Variants in HSD3B2 observed in about 807,000 individuals in gnomAD.
HSD3B2 encodes 3 beta-hydroxysteroid dehydrogenase/Delta 5-->4-isomerase type 2.
A neutral mutation model predicts 9.9 loss-of-function variants in HSD3B2; 8 were observed. That is an observed-to-expected ratio of 0.81 (90% CI 0.47 to 1.46). HSD3B2 has a LOEUF of 1.46. Ranked by LOEUF, HSD3B2 falls within the 40% of genes most tolerant of loss-of-function variation. The pLI, the probability that HSD3B2 is intolerant of heterozygous loss-of-function variation, is 0.00. For synonymous variants in HSD3B2, 221 were observed against 184.5 expected (o/e 1.20, Z -1.60); for missense variants, 410 against 448.3 (o/e 0.91, Z 0.77).
chr1:119,419,428 C>G lies in HSD3B2; in HGVS notation c.153C>G (p.Asn51Lys). 6.2e-7 allele frequency: 1 copy of G among 1,613,708 alleles called. No homozygotes were observed. The highest frequency in any genetic ancestry group is 8.5e-7 in the Non-Finnish European group (1 of 1,179,766). The change falls in exon 3 of 4, where the codon AAC becomes AAG. Residue 51 changes from asparagine (N) to lysine (K), a missense_variant. Asn to Lys is a moderately conservative substitution (Grantham distance 94). Transcript: ENST00000369416. ...CCTGTGTTCACACAGAGCTCCAGAA[C>G]AGGACCAAGCTGACTGTACTTGAAG... ...ELREEFSKLQ[N>K]RTKLTVLEGD... is the part of the protein sequence containing the mutation.
rs1220577860 is a variant in HSD3B2, at chr1:119,415,446, A to T, written c.27A>T (p.Gly9=). MGWSCLVT[G]AGGLLGQRIV... ...TGGGCTGGAGCTGCCTTGTGACAGG[A>T]GCAGGAGGGCTTCTGGGTCAGAGGA... The change falls in exon 2 of 4, where the codon GGA becomes GGT. Residue 9 remains glycine, a synonymous_variant. Transcript: ENST00000369416. The T allele has an allele frequency of 6.2e-7, 1 of 1,613,784 alleles. No homozygotes were observed. Among genetic ancestry groups the T allele is most frequent in the Admixed American group, 1.7e-5 (1 of 59,984 alleles).
Position 119,422,056 on chromosome 1 carries a change from A to AC in HSD3B2, c.558dup (p.Thr187HisfsTer17), listed in dbSNP as rs770815049. ...ATACCTTGTACACTTGTGCGTTAAG[A>AC]CCCACATATATCTATGGGGAAGGAG... is the stretch of plus-strand genomic sequence containing the variant. On this transcript the variant is annotated frameshift_variant, in exon 4 of 4. Coordinates refer to ENST00000369416, the MANE Select transcript of HSD3B2 (RefSeq NM_000198.4). LOFTEE classifies it low-confidence loss of function (END_TRUNC). The AC allele has an allele frequency of 1.2e-5, 19 of 1,613,888 alleles. No homozygotes were observed. The highest frequency in any genetic ancestry group is 1.5e-5 in the Non-Finnish European group (18 of 1,179,976).
rs767195449 is a variant in HSD3B2 at position 119,419,562 on chromosome 1, T to C, written c.287T>C (p.Ile96Thr). 6 of 1,613,804 alleles carry C rather than the reference T, an allele frequency of 3.7e-6. No individual in the cohort carries two copies. Among genetic ancestry groups the C allele is most frequent in the Non-Finnish European group, 5.1e-6 (6 of 1,179,844 alleles). The change falls in exon 3 of 4, where the codon ATC becomes ACC. Residue 96 changes from isoleucine to threonine, a missense_variant. By Grantham distance (89) the Ile-to-Thr change is moderately conservative. Coordinates refer to ENST00000369416, the MANE Select transcript of HSD3B2 (RefSeq NM_000198.4). Reference sequence around the variant, plus strand: ...TTTGGTGTCACTCACAGAGAGTCCATCATGAATGTCAATGTGAAAGGTACA... The same window carrying C: ...TTTGGTGTCACTCACAGAGAGTCCACCATGAATGTCAATGTGAAAGGTACA... ...DVFGVTHRES[I>T]MNVNVKGTQL...
upstream of HSD3B2, chr1:119,415,148 A>T (rs1651668497): frequency 2.3e-6 from 1 of 441,920 alleles, no homozygotes; most frequent in Non-Finnish European, 4.2e-6. Context: ...TCCTCCAGGG[A>T]TGAGGCAGTA....
chr1:119,416,955 G>C (rs918791791), intron 2 of HSD3B2, among the ~76,000 whole-genome samples: 1 of 152,228 alleles, frequency 6.6e-6, no homozygotes, highest in Admixed American at 6.5e-5. Context: ...GGCAGGGCCT[G>C]TATGAAGATA....
chr1:119,422,562 A>C lies in HSD3B2; in HGVS notation c.1061A>C (p.Glu354Ala). Residue 354 changes from glutamate (E) to alanine (A), a missense_variant, in exon 4 of 4, where the codon GAG becomes GCG. Glu to Ala is a moderately radical substitution (Grantham distance 107, BLOSUM62 -1). Coordinates refer to ENST00000369416, the MANE Select transcript of HSD3B2 (RefSeq NM_000198.4). ...SWEEAKQKTV[E>A]WVGSLVDRHK... ...GAGGAAGCCAAGCAGAAAACCGTGG[A>C]GTGGGTTGGTTCCCTTGTGGACCGG... is the stretch of plus-strand genomic sequence containing the variant. 1.9e-6 allele frequency: 3 copies of C among 1,614,100 alleles called. No individual in the cohort carries two copies. Among genetic ancestry groups the C allele is most frequent in the Non-Finnish European group, 1.7e-6 (2 of 1,179,996 alleles).
intron 2 of HSD3B2, among the ~76,000 whole-genome samples, chr1:119,417,674 A>G (rs2793133): frequency 0.69 from 105,244 of 151,502 alleles, 36,651 homozygotes; most frequent in African/African-American, 0.74. Flanking sequence ...AAATGGTCCC[A>G]CCTGTATCCC....
In HSD3B2 at chr1:119,422,664, G is replaced by A. The variant is rs1400968348; in HGVS notation, c.*44G>A. 1.2e-6 allele frequency: 2 copies of A among 1,607,528 alleles called. No individual in the cohort carries two copies. The highest frequency in any genetic ancestry group is 2.2e-5 in the South Asian group (2 of 90,416). On this transcript the variant is annotated 3_prime_UTR_variant, in exon 4 of 4. Transcript: ENST00000369416. Reference sequence around the variant, plus strand: ...GTGCATGTGGGTATTGTTAGGAAATGTCATCAAACTCCACCCACCTGGCTT... The same window carrying A: ...GTGCATGTGGGTATTGTTAGGAAATATCATCAAACTCCACCCACCTGGCTT...
At chr1:119,421,709 C>A in intron 3 of HSD3B2, 100 bp from the exon 4 acceptor site, 1 of 1,320,196 alleles carries the variant, frequency 7.6e-7, no homozygotes, top group Non-Finnish European at 1.1e-6. Flanking sequence ...GTTATAACCA[C>A]TGCACTTGGG....
intron 3 of HSD3B2, among the ~76,000 whole-genome samples, chr1:119,421,379 A>G (rs72991471): frequency 0.12 from 13,512 of 110,716 alleles, 2,520 homozygotes; most frequent in African/African-American, 0.38. Flanking sequence ...GTGTGTGTGT[A>G]TATATATATA....
chr1:119,419,678 G>C lies in HSD3B2; in HGVS notation c.307+96G>C, dbSNP rs1163593078. On this transcript the variant is annotated intron_variant, in intron 3 of 3. Transcript: ENST00000369416. ...AGAGAAGTCACTCCATTGAACACCT[G>C]CTGAGCTCTTGGCCAAGTGCCTTTG... 5.6e-6 allele frequency: 7 copies of C among 1,248,730 alleles called. No individual in the cohort carries two copies. The Admixed American group carries it at 5.6e-5, about 10-fold the overall frequency. 77.4% of individuals were successfully genotyped at this position (1,248,730 alleles called of 1,614,324 possible).
Position 119,419,576 on chromosome 1 carries a change from G to C in HSD3B2, c.301G>C (p.Val101Leu), listed in dbSNP as rs752453060. Residue 101 changes from valine (V) to leucine (L), a missense_variant, in exon 3 of 4, where the codon GTG becomes CTG. Physicochemically the swap from Val to Leu is conservative, Grantham distance 32. Coordinates refer to ENST00000369416, the MANE Select transcript of HSD3B2 (RefSeq NM_000198.4). ...CAGAGAGTCCATCATGAATGTCAATGTGAAAGGTACAGTAGCCTGGGGAGG... is the reference window on the plus strand; with the variant it reads ...CAGAGAGTCCATCATGAATGTCAATCTGAAAGGTACAGTAGCCTGGGGAGG... Reference protein sequence around the residue: ...THRESIMNVNVKGTQLLLEAC... With the variant: ...THRESIMNVNLKGTQLLLEAC... The C allele has an allele frequency of 2.5e-6, 4 of 1,613,820 alleles. No homozygotes were observed. The highest frequency in any genetic ancestry group is 3.4e-6 in the Non-Finnish European group (4 of 1,179,770).
intron 3 of HSD3B2, among the ~76,000 whole-genome samples, chr1:119,420,690 A>C (rs1651835113): frequency 6.6e-6 from 1 of 152,236 alleles, no homozygotes; most frequent in South Asian, 2.1e-4. Context: ...GAGACTTTAA[A>C]AGTGGCTAAG....
intron 2 of HSD3B2, among the ~76,000 whole-genome samples, chr1:119,418,037 G>A (rs150714649): frequency 1.3e-5 from 2 of 152,182 alleles, no homozygotes; most frequent in African/African-American, 4.8e-5. Flanking sequence ...TGAGTGTAGA[G>A]TATTTATCTG....
At chr1:119,415,719 G>A (rs1426006629) in intron 2 of HSD3B2, among the ~76,000 whole-genome samples, 158 bp downstream of exon 2, 1 of 152,186 alleles carries the variant, frequency 6.6e-6, no homozygotes, top group Non-Finnish European at 1.5e-5. Context: ...AAATGGTATA[G>A]TGTGAAAGAT....
At chr1:119,419,231 A>T (rs587736722) in intron 2 of HSD3B2, among the ~76,000 whole-genome samples, 187 bp from the exon 3 acceptor site, 1 of 152,178 alleles carries the variant, frequency 6.6e-6, no homozygotes, top group East Asian at 1.9e-4. Flanking sequence ...GCTCTTTCCC[A>T]ATAAACTGCT....
At position 119,419,506 on chromosome 1, in the gene HSD3B2, C is replaced by A; in HGVS notation, c.231C>A (p.Val77=). 3.7e-6 allele frequency: 6 copies of A among 1,613,610 alleles called. No homozygotes were observed. Among genetic ancestry groups the A allele is most frequent in the Non-Finnish European group, 5.1e-6 (6 of 1,179,660 alleles). The change falls in exon 3 of 4, where the codon GTC becomes GTA. Residue 77 remains valine, a synonymous_variant. Coordinates refer to ENST00000369416, the MANE Select transcript of HSD3B2 (RefSeq NM_000198.4). ...AAAGAGCCTGCCAGGACGTCTCGGT[C>A]GTCATCCACACCGCCTGTATCATTG... The part of the protein sequence containing the change: ...FLKRACQDVS[V]VIHTACIIDV...
chr1:119,417,652 C>T (rs1651746984), intron 2 of HSD3B2, among the ~76,000 whole-genome samples: 1 of 152,134 alleles, frequency 6.6e-6, no homozygotes, highest in South Asian at 2.1e-4. Flanking sequence ...AAGGCAGAGG[C>T]ATCAGAAGAG....
chr1:119,419,243 C>A (rs1187588056), intron 2 of HSD3B2, among the ~76,000 whole-genome samples, 175 bp from the exon 3 acceptor site: 3 of 152,224 alleles, frequency 2.0e-5, no homozygotes, highest in Non-Finnish European at 4.4e-5. Flanking sequence ...TAAACTGCTA[C>A]ACATGCTGAT....
Sources: allele counts gnomAD v4.1 joint callset (sites outside exome capture counted in the v4.1 genomes callset), GRCh38; gene constraint gnomAD v4.1.1; transcripts MANE v1.5; gene names NCBI Gene and HGNC (gene_info 2026-07-23, HGNC 2026-07-21).